Variants in KCNIP1 observed in about 807,000 individuals in gnomAD.
KCNIP1 encodes the protein potassium voltage-gated channel interacting protein 1.
A neutral mutation model predicts 33.0 loss-of-function variants in KCNIP1; 18 were observed. The ratio of observed to expected loss-of-function variants is 0.55; its 90% CI spans 0.38 to 0.81. KCNIP1 has a LOEUF of 0.81. Among genes scored for constraint, KCNIP1 ranks in the 30% least tolerant of loss-of-function variants. KCNIP1 has a pLI of 0.00. For missense variants in KCNIP1, 238 were observed against 271.6 expected, an observed-to-expected ratio of 0.88 and a Z score of 0.87; for synonymous variants, 93 against 98.3, an observed-to-expected ratio of 0.95 and a Z score of 0.32.
intron 1 of KCNIP1, among the ~76,000 whole-genome samples, chr5:170,551,281 T>C (rs563769838): frequency 1.3e-5 from 2 of 152,368 alleles, no homozygotes; most frequent in South Asian, 4.1e-4. Context: ...TTTCTCCATT[T>C]ATCTGTATAA....
chr5:170,367,421 GGAAA>G lies in KCNIP1; in HGVS notation c.88+13471_88+13474del, dbSNP rs879277915. On this transcript the variant is annotated intron_variant, in intron 1 of 7. Coordinates refer to the KCNIP1 transcript ENST00000377360. ...AGAAAGAAAGAAAGAAAGAAAGAAA[GGAAA>G]GAAAGAAAGAAAGGAAAGAAAGGAA... Among the ~76,000 whole-genome samples, 54 of 74,726 alleles carry G rather than the reference GGAAA, an allele frequency of 7.2e-4. 1 individual carries two copies. Among genetic ancestry groups the G allele is most frequent in the South Asian group, 2.2e-3 (6 of 2,744 alleles). The allele number at this position is 74,726 out of a possible 152,430, so 49.0% of individuals were successfully genotyped here. A position where few individuals can be genotyped will look rare whatever the true frequency, so the allele number is the denominator to read the frequency against.
chr5:170,471,576 C>G (rs1376170134), intron 1 of KCNIP1, among the ~76,000 whole-genome samples: 3 of 152,152 alleles, frequency 2.0e-5, no homozygotes, highest in East Asian at 1.9e-4. Flanking sequence ...TAAAGTCCGC[C>G]GTGACTGAAG....
chr5:170,461,439 C>A (rs899879380), intron 1 of KCNIP1, among the ~76,000 whole-genome samples: 3 of 152,128 alleles, frequency 2.0e-5, no homozygotes, highest in Admixed American at 1.3e-4. Flanking sequence ...ACCCAAACAG[C>A]ATGGTACTGG....
chr5:170,392,489 C>T (rs1754629064), intron 1 of KCNIP1, among the ~76,000 whole-genome samples: 1 of 152,190 alleles, frequency 6.6e-6, no homozygotes, highest in South Asian at 2.1e-4. Context: ...AATTAAAACA[C>T]CTGAGATTGC....
At chr5:170,565,349 G>C (rs1757170506) in intron 1 of KCNIP1, among the ~76,000 whole-genome samples, 1 of 152,126 alleles carries the variant, frequency 6.6e-6, no homozygotes. Flanking sequence ...CACCTCCCGT[G>C]TTGCTTTAAC....
chr5:170,714,977 C>T (rs1344093318), intron 1 of KCNIP1, among the ~76,000 whole-genome samples: 1 of 152,166 alleles, frequency 6.6e-6, no homozygotes, highest in African/African-American at 2.4e-5. Context: ...GGCCTTCACA[C>T]TCACTCACCA....
At chr5:170,555,032 A>G (rs9313511) in intron 1 of KCNIP1, among the ~76,000 whole-genome samples, 60,291 of 152,006 alleles carry the variant, frequency 0.4, 14,636 homozygotes, top group African/African-American at 0.69. Flanking sequence ...TTTGACAAGC[A>G]CTGTAATTAT....
At chr5:170,439,283 A>G (rs1293008084) in intron 1 of KCNIP1, among the ~76,000 whole-genome samples, 2 of 152,160 alleles carry the variant, frequency 1.3e-5, no homozygotes, top group African/African-American at 4.8e-5. Context: ...ACCCCATGCC[A>G]CCAGATGCAA....
At chr5:170,718,999 C>T in intron 2 of KCNIP1, 117 bp downstream of exon 2, 2 of 1,345,968 alleles carry the variant, frequency 1.5e-6, no homozygotes, top group South Asian at 1.4e-5. Flanking sequence ...ACAAGGAAGG[C>T]CAGCTCTATA....
chr5:170,408,357 C>T (rs1249204029), intron 1 of KCNIP1, among the ~76,000 whole-genome samples: 8 of 152,176 alleles, frequency 5.3e-5, no homozygotes, highest in African/African-American at 1.2e-4. Context: ...GCTGTTAATC[C>T]TCAGGGAATC....
chr5:170,586,477 AT>A (rs1411870104), intron 1 of KCNIP1, among the ~76,000 whole-genome samples: 1 of 152,148 alleles, frequency 6.6e-6, no homozygotes, highest in Non-Finnish European at 1.5e-5. Context: ...CAGAAATTGA[AT>A]TACCTTTGGA....
In KCNIP1 at chr5:170,391,764, A is replaced by G. The variant is rs557250057; in HGVS notation, c.88+37800A>G. Among the ~76,000 whole-genome samples the G allele has an allele frequency of 2.0e-5, 3 of 152,328 alleles. No homozygotes were observed. The South Asian group carries it at 6.2e-4, about 32-fold the overall frequency. ...CCCAAGCAAGTTACTTTGCCTCTCT[A>G]AGCTTCAGTTTGTCTGTCTCTAAAA... On this transcript the variant is annotated intron_variant, in intron 1 of 7. Coordinates refer to the KCNIP1 transcript ENST00000377360.
intron 1 of KCNIP1, among the ~76,000 whole-genome samples, chr5:170,462,321 C>T (rs184470222): frequency 2.1e-4 from 29 of 135,472 alleles, no homozygotes; most frequent in African/African-American, 8.0e-4. Context: ...GGGCTAAGGA[C>T]ATGAATAGAC....
chr5:170,627,613 AC>A (rs1301769552), intron 1 of KCNIP1, among the ~76,000 whole-genome samples: 1 of 152,186 alleles, frequency 6.6e-6, no homozygotes, highest in African/African-American at 2.4e-5. Flanking sequence ...CTCATGGGTG[AC>A]CCCCAGGCAT....
intron 1 of KCNIP1, among the ~76,000 whole-genome samples, chr5:170,508,697 C>T (rs1438266768): frequency 6.6e-6 from 1 of 152,108 alleles, no homozygotes; most frequent in Non-Finnish European, 1.5e-5. Flanking sequence ...TTCTATAATG[C>T]TCTCCCACCC....
intron 1 of KCNIP1, among the ~76,000 whole-genome samples, chr5:170,452,171 C>G (rs1756271176): frequency 6.6e-6 from 1 of 152,178 alleles, no homozygotes; most frequent in Admixed American, 6.5e-5. Flanking sequence ...ATTAGAGACG[C>G]ACTGTGTGGT....
intron 1 of KCNIP1, among the ~76,000 whole-genome samples, chr5:170,539,890 C>T (rs143569295): frequency 6.6e-6 from 1 of 152,170 alleles, no homozygotes; most frequent in Admixed American, 6.5e-5. Flanking sequence ...GCCCAGCTCT[C>T]TGTGTTCTCA....
At chr5:170,606,381 A>G (rs965508862) in intron 1 of KCNIP1, among the ~76,000 whole-genome samples, 5 of 152,204 alleles carry the variant, frequency 3.3e-5, no homozygotes, top group African/African-American at 1.2e-4. Flanking sequence ...CAAGGGTATC[A>G]GTTTCCCCAC....
chr5:170,594,691 A>C (rs1269030176), intron 1 of KCNIP1, among the ~76,000 whole-genome samples: 1 of 152,066 alleles, frequency 6.6e-6, no homozygotes, highest in African/African-American at 2.4e-5. Flanking sequence ...TTGTATTTTT[A>C]GTAGAGATGG....
Sources: gnomAD v4.1 joint callset for allele counts (sites outside exome capture counted in the v4.1 genomes callset) on GRCh38, gnomAD v4.1.1 for gene constraint, MANE v1.5 for transcripts, NCBI Gene and HGNC (gene_info 2026-07-23, HGNC 2026-07-21) for gene names.